Variants in TTC6 observed in about 807,000 individuals in gnomAD.
TTC6 encodes tetratricopeptide repeat domain 6.
In TTC6, 172 loss-of-function variants were observed where a neutral mutation model predicts 210.4. That is an observed-to-expected ratio of 0.82 (90% confidence interval 0.72 to 0.93). The LOEUF is 0.93. Among genes scored for constraint, TTC6 ranks in the 40% least tolerant of loss-of-function variants. The pLI is 0.00. For missense variants in TTC6, 2,414 were observed against 2,318.1 expected, an observed-to-expected ratio of 1.04 and a Z score of -0.85; for synonymous variants, 804 against 819.6, an observed-to-expected ratio of 0.98 and a Z score of 0.32.
intron 14 of TTC6, among the ~76,000 whole-genome samples, chr14:37,763,965 G>A (rs939956045): frequency 6.6e-6 from 1 of 151,470 alleles, no homozygotes; most frequent in Non-Finnish European, 1.5e-5. Context: ...TTGCTTTGCT[G>A]CATCTCCTAA....
At chr14:37,819,749 T>C (rs377131586) in intron 26 of TTC6, among the ~76,000 whole-genome samples, 6 of 152,190 alleles carry the variant, frequency 3.9e-5, no homozygotes, top group East Asian at 1.9e-4. Flanking sequence ...CCAGATTCTT[T>C]AGTTTGGGAG....
chr14:37,700,321 C>A (rs1167644194), intron 4 of TTC6, among the ~76,000 whole-genome samples: 3 of 152,252 alleles, frequency 2.0e-5, no homozygotes, highest in African/African-American at 4.8e-5. Flanking sequence ...GATAATTATA[C>A]CTCCAATACA....
At chr14:37,676,699 C>T (rs1463433993) in intron 1 of TTC6, among the ~76,000 whole-genome samples, 1 of 152,058 alleles carries the variant, frequency 6.6e-6, no homozygotes, top group East Asian at 1.9e-4. Context: ...GTTTATAGGT[C>T]TTACATTCAG....
At chr14:37,755,434 T>C (rs1333468845) in intron 14 of TTC6, among the ~76,000 whole-genome samples, 2 of 152,238 alleles carry the variant, frequency 1.3e-5, no homozygotes, top group Non-Finnish European at 2.9e-5. Context: ...TTTGGTGTTT[T>C]AGACATGAAG....
chr14:37,738,833 A>G, exon 10 of TTC6: 1 of 1,531,758 alleles, frequency 6.5e-7, no homozygotes, highest in Non-Finnish European at 8.7e-7. Context: ...TTTGGAAATC[A>G]AGAATGATAT....
chr14:37,615,608 AT>A (rs901345630), intron 2 of TTC6, among the ~76,000 whole-genome samples: 8 of 151,824 alleles, frequency 5.3e-5, no homozygotes, highest in African/African-American at 1.2e-4. Context: ...TTCTATTTTT[AT>A]TTTTTTAATT....
chr14:37,675,644 C>G (rs2095767477), intron 1 of TTC6, among the ~76,000 whole-genome samples: 1 of 151,952 alleles, frequency 6.6e-6, no homozygotes, highest in Admixed American at 6.6e-5. Context: ...TTTGAGGAAC[C>G]ACCAAACCTT....
At chr14:37,695,319 G>A (rs907793626) in intron 3 of TTC6, among the ~76,000 whole-genome samples, 2 of 152,024 alleles carry the variant, frequency 1.3e-5, no homozygotes, top group African/African-American at 4.8e-5. Context: ...CAAAATACTT[G>A]ATAGCACAAC....
At chr14:37,795,304 C>A in exon 18 of TTC6, 1 of 1,532,472 alleles carries the variant, frequency 6.5e-7, no homozygotes. Context: ...AATGAATTGT[C>A]TCGTGCTATC....
chr14:37,716,224 A>T (rs2095852504), intron 6 of TTC6, among the ~76,000 whole-genome samples: 1 of 152,148 alleles, frequency 6.6e-6, no homozygotes, highest in Admixed American at 6.5e-5. Flanking sequence ...ACTATAAATA[A>T]ATAAAAGTAG....
At chr14:37,660,101 T>C (rs2095734113) in intron 1 of TTC6, among the ~76,000 whole-genome samples, 1 of 152,180 alleles carries the variant, frequency 6.6e-6, no homozygotes, top group Non-Finnish European at 1.5e-5. Flanking sequence ...AGCTCTTAGG[T>C]TTAATTAGAT....
Position 37,823,714 on chromosome 14 carries a change from C to G in TTC6, c.4764-33C>G, listed in dbSNP as rs765926085. On this transcript the variant is annotated intron_variant, in intron 26 of 30. Transcript: ENST00000553443. ...TATGTCACCAGAATGCATCAGTTCA[C>G]CAGAAGGCATCAATATTTTTATTTA... The G allele has an allele frequency of 1.0e-4, 161 of 1,575,940 alleles. 1 individual carries two copies. Among genetic ancestry groups the G allele is most frequent in the Admixed American group, 3.7e-4 (22 of 59,684 alleles).
chr14:37,749,873 C>T (rs1467338414), intron 12 of TTC6, 30 bp downstream of exon 14: 2 of 1,280,844 alleles, frequency 1.6e-6, no homozygotes, highest in African/African-American at 3.1e-5. Flanking sequence ...AGTTATATTA[C>T]CTACATTTTG....
In TTC6 at chr14:37,826,408, G is replaced by T. The variant is rs935748062; in HGVS notation, c.5127+61G>T. ...AAATTAACACTGTCAATGAATAGGT[G>T]CAAGTAAGAAGTTCTCTGTTAGCTT... On this transcript the variant is annotated intron_variant, in intron 28 of 30. Transcript: ENST00000553443. 3.7e-6 allele frequency: 5 copies of T among 1,358,050 alleles called. No homozygotes were observed. In the Admixed American group the frequency reaches 1.0e-4, roughly 28 times the overall value. 84.1% of individuals were successfully genotyped at this position (1,358,050 alleles called of 1,614,324 possible). A position where few individuals can be genotyped will look rare whatever the true frequency, so the allele number is the denominator to read the frequency against.
intron 1 of TTC6, among the ~76,000 whole-genome samples, chr14:37,628,024 G>A (rs1253616042): frequency 1.3e-5 from 2 of 152,162 alleles, no homozygotes; most frequent in Admixed American, 1.3e-4. Context: ...AGGCTGGAGT[G>A]CAATGGCATG....
intron 29 of TTC6, among the ~76,000 whole-genome samples, chr14:37,832,115 C>T (rs1052596883): frequency 2.0e-5 from 3 of 151,984 alleles, no homozygotes; most frequent in East Asian, 1.9e-4. Flanking sequence ...GATTTTTGTA[C>T]ATAAGGAGAG....
chr14:37,771,542 A>G (rs1197794535), intron 14 of TTC6, among the ~76,000 whole-genome samples: 1 of 151,664 alleles, frequency 6.6e-6, no homozygotes, highest in Non-Finnish European at 1.5e-5. Flanking sequence ...TTCTCGCTTC[A>G]TTTCATTCAT....
At chr14:37,682,675 C>A in intron 2 of TTC6, 83 bp from the exon 5 acceptor site, 1 of 1,150,960 alleles carries the variant, frequency 8.7e-7, no homozygotes, top group South Asian at 1.5e-5. Flanking sequence ...TTCATCTTGT[C>A]AGATAGAAAC....
intron 1 of TTC6, among the ~76,000 whole-genome samples, chr14:37,602,584 G>T (rs2095617752): frequency 1.3e-5 from 2 of 152,182 alleles, no homozygotes; most frequent in Non-Finnish European, 2.9e-5. Flanking sequence ...CGCATCTGGT[G>T]TCCTCGATGT....
Sources: gnomAD v4.1 joint callset for allele counts (sites outside exome capture counted in the v4.1 genomes callset) on GRCh38, gnomAD v4.1.1 for gene constraint, MANE v1.5 for transcripts, NCBI Gene and HGNC (gene_info 2026-07-23, HGNC 2026-07-21) for gene names.